PTPRT: variants seen among roughly 807,000 people sequenced by gnomAD.
PTPRT encodes the protein receptor-type tyrosine-protein phosphatase T.
Under a neutral mutation model 176.8 loss-of-function variants are expected in PTPRT, and 56 were observed. That is an observed-to-expected ratio of 0.32 (90% CI 0.26 to 0.40). PTPRT has a LOEUF of 0.40. PTPRT is among the 10% of genes least tolerant of loss of function. The probability of loss-of-function intolerance (pLI) is 1.00; values close to 1 mark genes in which losing one functional copy is unlikely to be tolerated. For missense variants in PTPRT, 1,540 were observed against 1,908.2 expected, an observed-to-expected ratio of 0.81 and a Z score of 3.60; for synonymous variants, 783 against 739.0, an observed-to-expected ratio of 1.06 and a Z score of -0.96.
intron 1 of PTPRT, among the ~76,000 whole-genome samples, chr20:42,892,568 T>A (rs1393628072): frequency 1.3e-5 from 2 of 152,020 alleles, no homozygotes; most frequent in Non-Finnish European, 2.9e-5. Context: ...TAGGCACTAC[T>A]TTTGGTAGAG....
intron 16 of PTPRT, among the ~76,000 whole-genome samples, chr20:42,193,786 T>A (rs1991090744): frequency 6.6e-6 from 1 of 152,228 alleles, no homozygotes; most frequent in African/African-American, 2.4e-5. Flanking sequence ...ATATTTTAGA[T>A]TACATTTTAA....
intron 5 of PTPRT, among the ~76,000 whole-genome samples, chr20:42,761,831 G>T (rs908113807): frequency 6.6e-6 from 1 of 152,130 alleles, no homozygotes; most frequent in African/African-American, 2.4e-5. Flanking sequence ...CTTTGCTGAG[G>T]GGCTGAGTTA....
chr20:42,914,452 A>G (rs1978598725), intron 1 of PTPRT, among the ~76,000 whole-genome samples: 1 of 152,184 alleles, frequency 6.6e-6, no homozygotes, highest in South Asian at 2.1e-4. Flanking sequence ...TTAAAACCCA[A>G]TTCAAAAACC....
chr20:42,109,178 G>A (rs191044779), intron 23 of PTPRT, among the ~76,000 whole-genome samples: 4 of 152,212 alleles, frequency 2.6e-5, no homozygotes, highest in African/African-American at 9.7e-5. Flanking sequence ...GTATGAGGAC[G>A]GGGCTGGCTC....
At chr20:42,722,524 G>A (rs1444965610) in intron 6 of PTPRT, among the ~76,000 whole-genome samples, 2 of 152,128 alleles carry the variant, frequency 1.3e-5, no homozygotes, top group African/African-American at 4.8e-5. Context: ...AATGCCTGTC[G>A]ATTCCACTTT....
intron 11 of PTPRT, among the ~76,000 whole-genome samples, chr20:42,316,459 T>C (rs2057723008): frequency 6.6e-6 from 1 of 152,230 alleles, no homozygotes; most frequent in Non-Finnish European, 1.5e-5. Flanking sequence ...ATGCCTTGGT[T>C]GGACACTTTC....
chr20:42,992,213 A>T (rs1477945176), intron 1 of PTPRT, among the ~76,000 whole-genome samples: 1 of 152,242 alleles, frequency 6.6e-6, no homozygotes, highest in Non-Finnish European at 1.5e-5. Context: ...TGTGTGCTAC[A>T]TCAAGAATGA....
At chr20:42,586,536 C>A (rs926336772) in intron 7 of PTPRT, among the ~76,000 whole-genome samples, 1 of 152,162 alleles carries the variant, frequency 6.6e-6, no homozygotes, top group African/African-American at 2.4e-5. Flanking sequence ...GCATTTTCCA[C>A]TTTTTGCCAC....
chr20:42,059,527 C>G, the PTPRT span, among the ~76,000 whole-genome samples: 1 of 152,172 alleles, frequency 6.6e-6, no homozygotes, highest in Non-Finnish European at 1.5e-5. Flanking sequence ...ATTGTGATAT[C>G]TGCCATTTTT....
intron 7 of PTPRT, among the ~76,000 whole-genome samples, chr20:42,506,967 A>G (rs776229817): frequency 2.7e-4 from 41 of 152,266 alleles, no homozygotes; most frequent in Middle Eastern, 3.4e-3. Context: ...AGTTCAAGGC[A>G]GTAGAAAGAG....
chr20:43,049,089 C>T (rs1986948911), intron 1 of PTPRT, among the ~76,000 whole-genome samples: 2 of 152,172 alleles, frequency 1.3e-5, no homozygotes, highest in Admixed American at 1.3e-4. Context: ...ACCCTGTTCT[C>T]CATCTCTCCT....
intron 29 of PTPRT, among the ~76,000 whole-genome samples, chr20:42,082,608 A>G (rs1983449476): frequency 2.0e-5 from 3 of 152,230 alleles, no homozygotes. Flanking sequence ...GATAGGCTTT[A>G]TCTTAAAATG....
chr20:42,268,285 T>C (rs1180936131), intron 13 of PTPRT, among the ~76,000 whole-genome samples: 1 of 152,112 alleles, frequency 6.6e-6, no homozygotes, highest in Admixed American at 6.6e-5. Flanking sequence ...AATAAACCTG[T>C]CAGAGGAGGA....
intron 1 of PTPRT, among the ~76,000 whole-genome samples, chr20:43,004,719 G>A (rs1984765266): frequency 6.6e-6 from 1 of 152,126 alleles, no homozygotes; most frequent in South Asian, 2.1e-4. Flanking sequence ...ACAGAAGAAT[G>A]GCACAATAGC....
chr20:42,497,737 C>T (rs1237781902), intron 7 of PTPRT, among the ~76,000 whole-genome samples: 1 of 152,120 alleles, frequency 6.6e-6, no homozygotes, highest in Non-Finnish European at 1.5e-5. Flanking sequence ...TTAGAGTCTA[C>T]AGATATGCCT....
intron 7 of PTPRT, among the ~76,000 whole-genome samples, chr20:42,652,828 A>G (rs2075056574): frequency 6.6e-6 from 1 of 152,190 alleles, no homozygotes; most frequent in African/African-American, 2.4e-5. Flanking sequence ...GAATAATCAG[A>G]ATGGATCTGG....
chr20:43,032,660 T>C (rs1226934956), intron 1 of PTPRT, among the ~76,000 whole-genome samples: 1 of 152,144 alleles, frequency 6.6e-6, no homozygotes, highest in South Asian at 2.1e-4. Flanking sequence ...TCTCTTATCT[T>C]AGCCCCCCGC....
intron 1 of PTPRT, among the ~76,000 whole-genome samples, chr20:43,033,581 G>A (rs181512457): frequency 5.9e-5 from 9 of 152,286 alleles, no homozygotes; most frequent in African/African-American, 2.2e-4. Context: ...AAGGAGCAAT[G>A]TTAATTAGTT....
chr20:42,553,382 C>A (rs55980799), intron 7 of PTPRT, among the ~76,000 whole-genome samples: 2 of 152,046 alleles, frequency 1.3e-5, no homozygotes, highest in Admixed American at 1.3e-4. Context: ...TCTATCTCCC[C>A]CTTCCACTCA....
Sources: allele counts gnomAD v4.1 joint callset (sites outside exome capture counted in the v4.1 genomes callset), GRCh38; gene constraint gnomAD v4.1.1; transcripts MANE v1.5; gene names NCBI Gene and HGNC (gene_info 2026-07-23, HGNC 2026-07-21).